The following UPP2 variants were observed in gnomAD, a reference collection of about 807,000 sequenced individuals.
UPP2 encodes uridine phosphorylase 2, also known as UPase 2.
Under a neutral mutation model 26.7 loss-of-function variants are expected in UPP2, and 23 were observed. The observed-to-expected ratio is 0.86, with a 90% CI of 0.62 to 1.22. The LOEUF (loss-of-function observed/expected upper bound fraction) is 1.22, where lower values mean the gene tolerates loss of function less well. Ranked by LOEUF, UPP2 falls within the 50% of genes most tolerant of loss-of-function variation. The probability of loss-of-function intolerance (pLI) is 0.00; values close to 1 mark genes in which losing one functional copy is unlikely to be tolerated. For missense variants in UPP2, 387 were observed against 396.7 expected, an observed-to-expected ratio of 0.98 and a Z score of 0.21; for synonymous variants, 127 against 141.3, an observed-to-expected ratio of 0.90 and a Z score of 0.72.
At chr2:158,063,552 C>G (rs1160202700) in intron 3 of UPP2, among the ~76,000 whole-genome samples, 1 of 152,076 alleles carries the variant, frequency 6.6e-6, no homozygotes, top group Non-Finnish European at 1.5e-5. Flanking sequence ...GCAGCCTCTG[C>G]CACTGCTGCC....
rs181873270 is a variant in UPP2 at position 158,084,384 on chromosome 2, G to C, written c.148-17656G>C. On this transcript the variant is annotated intron_variant, in intron 3 of 9. Transcript: ENST00000605860. The stretch of plus-strand genomic sequence containing the variant: ...TTCTTGCTGATTTGAGTTCTTTATA[G>C]ATTCAGGAAATTAGTCCTTTGTTGG... Among the ~76,000 whole-genome samples, 130 of 151,832 alleles carry C rather than the reference G, an allele frequency of 8.6e-4. 2 individuals carry two copies. Among genetic ancestry groups the C allele is most frequent in the African/African-American group, 2.8e-3 (118 of 41,422 alleles).
chr2:158,112,605 C>T (rs1195281390), intron 2 of UPP2, among the ~76,000 whole-genome samples: 1 of 151,282 alleles, frequency 6.6e-6, no homozygotes. Context: ...ATAAATTGAA[C>T]TCTAAAAAAA....
chr2:158,097,101 AAAAAT>A (rs981605584), upstream of UPP2, among the ~76,000 whole-genome samples: 4 of 152,114 alleles, frequency 2.6e-5, no homozygotes, highest in South Asian at 2.1e-4. Flanking sequence ...TGAACCAGAA[AAAAAT>A]AAAATAAAGT....
intron 3 of UPP2, among the ~76,000 whole-genome samples, 158 bp downstream of exon 3, chr2:158,115,417 G>A (rs1683408714): frequency 1.3e-5 from 2 of 152,072 alleles, no homozygotes; most frequent in Non-Finnish European, 2.9e-5. Context: ...AGCCCCCAGG[G>A]CAGAACACAG....
intron 6 of UPP2, among the ~76,000 whole-genome samples, chr2:158,130,528 A>C (rs1410677175): frequency 6.6e-6 from 1 of 152,142 alleles, no homozygotes; most frequent in Non-Finnish European, 1.5e-5. Context: ...GCGGTTTGTC[A>C]CAAAATCTTG....
At chr2:158,015,720 C>G (rs546613257) in intron 2 of UPP2, 327 of 441,282 alleles carry the variant, frequency 7.4e-4, no homozygotes, top group Non-Finnish European at 1.3e-3. Context: ...ATAGTGAGCT[C>G]TCACAAGATT....
chr2:158,111,305 T>C (rs72940875), intron 2 of UPP2, among the ~76,000 whole-genome samples: 27 of 152,320 alleles, frequency 1.8e-4, no homozygotes, highest in Non-Finnish European at 3.1e-4. Flanking sequence ...TTGAATGTTA[T>C]GTCTTCTTGG....
chr2:158,100,918 GA>G (rs1683064847), upstream of UPP2, among the ~76,000 whole-genome samples: 1 of 152,176 alleles, frequency 6.6e-6, no homozygotes, highest in Non-Finnish European at 1.5e-5. Context: ...GGCATTCAAA[GA>G]ATTTGCCAAG....
chr2:158,102,146 A>G (rs758332579), intron 1 of UPP2, 21 bp downstream of exon 1: 1 of 1,609,512 alleles, frequency 6.2e-7, no homozygotes, highest in Non-Finnish European at 8.5e-7. Context: ...TTGATTTTGT[A>G]AATTTGTTTT....
chr2:158,096,539 C>T (rs111661457), intron 3 of UPP2, among the ~76,000 whole-genome samples: 1,743 of 152,210 alleles, frequency 0.011, 35 homozygotes, highest in African/African-American at 0.039. Context: ...GCGGAGGTTG[C>T]GGTGAACTGA....
intron 3 of UPP2, among the ~76,000 whole-genome samples, chr2:158,044,069 T>C (rs556348575): frequency 5.3e-5 from 8 of 152,254 alleles, no homozygotes; most frequent in African/African-American, 1.9e-4. Context: ...AAAGATGAGA[T>C]ATAATTAAGC....
At chr2:158,011,805 C>G (rs936529180) in intron 2 of UPP2, among the ~76,000 whole-genome samples, 1 of 152,052 alleles carries the variant, frequency 6.6e-6, no homozygotes, top group South Asian at 2.1e-4. Flanking sequence ...AATATTTGCT[C>G]GATAAATGAA....
chr2:158,123,840 T>C lies in UPP2; in HGVS notation c.756T>C (p.Asn252=). The change falls in exon 6 of 7, where the codon AAT becomes AAC. Residue 252 remains asparagine, a synonymous_variant. Coordinates refer to ENST00000005756, the MANE Select transcript of UPP2 (RefSeq NM_173355.4). ...GAGCATTTAAAGCTGGTGTCAGGAA[T>C]ATTGAAATGGAATCTACAGTGTTTG... ...LKRAFKAGVR[N]IEMESTVFAA... is the part of the protein sequence containing the mutation. 1 of 1,614,122 alleles carries C rather than the reference T, an allele frequency of 6.2e-7. No homozygotes were observed. The highest frequency in any genetic ancestry group is 8.5e-7 in the Non-Finnish European group (1 of 1,179,944).
chr2:158,015,670 A>G (rs954815407), intron 2 of UPP2: 5 of 403,224 alleles, frequency 1.2e-5, no homozygotes, highest in African/African-American at 1.0e-4. Flanking sequence ...GCGGGAGGTG[A>G]CTGAATCATG....
intron 3 of UPP2, among the ~76,000 whole-genome samples, chr2:158,058,013 CT>C (rs1316112039): frequency 7.2e-5 from 11 of 152,048 alleles, no homozygotes; most frequent in South Asian, 2.1e-4. Flanking sequence ...TAAGAAGGGC[CT>C]GGGCGCAGTG....
intron 3 of UPP2, among the ~76,000 whole-genome samples, chr2:158,068,765 A>AATACATAT (rs1682477832): frequency 6.3e-5 from 2 of 31,700 alleles, no homozygotes. Context: ...TTCAAATTCA[A>AATACATAT]ATATATATAT....
At chr2:158,059,606 G>A (rs1417307347) in intron 3 of UPP2, among the ~76,000 whole-genome samples, 1 of 152,150 alleles carries the variant, frequency 6.6e-6, no homozygotes, top group African/African-American at 2.4e-5. Context: ...GTCATATTGG[G>A]CAAAAGGGTA....
intron 2 of UPP2, among the ~76,000 whole-genome samples, chr2:158,110,744 T>C (rs1049669859): frequency 6.6e-6 from 1 of 152,226 alleles, no homozygotes; most frequent in Admixed American, 6.5e-5. Flanking sequence ...GTGGTTTTGA[T>C]TTGCATTTCT....
chr2:158,126,333 C>T (rs1337620717), intron 6 of UPP2: 1 of 152,278 alleles, frequency 6.6e-6, no homozygotes, highest in Non-Finnish European at 1.5e-5. Context: ...ATAGCTCTCC[C>T]CCAGGCCACT....
Sources: allele counts gnomAD v4.1 joint callset (sites outside exome capture counted in the v4.1 genomes callset), GRCh38; gene constraint gnomAD v4.1.1; transcripts MANE v1.5; gene names NCBI Gene and HGNC (gene_info 2026-07-23, HGNC 2026-07-21).